Variants in MAP3K5 observed in about 807,000 individuals in gnomAD.
MAP3K5 encodes the protein ASK-1.
Under a neutral mutation model 158.7 loss-of-function variants are expected in MAP3K5, and 56 were observed. The observed-to-expected ratio is 0.35, with a 90% CI of 0.28 to 0.44. MAP3K5 has a LOEUF of 0.44. MAP3K5 is among the 20% of genes least tolerant of loss of function. The pLI, the probability that MAP3K5 is intolerant of heterozygous loss-of-function variation, is 1.00. For missense variants in MAP3K5, 1,294 were observed against 1,674.8 expected (o/e 0.77, Z 3.97); for synonymous variants, 579 against 601.7 (o/e 0.96, Z 0.55).
intron 14 of MAP3K5, among the ~76,000 whole-genome samples, chr6:136,626,636 G>A (rs1278982692): frequency 1.3e-5 from 2 of 152,108 alleles, no homozygotes; most frequent in East Asian, 1.9e-4. Context: ...TGCCTGCCAC[G>A]CTGGAATTCC....
chr6:136,776,707 C>A (rs1325251021), intron 1 of MAP3K5, among the ~76,000 whole-genome samples: 9 of 152,206 alleles, frequency 5.9e-5, no homozygotes. Flanking sequence ...CTTTTGCCTG[C>A]CCTCTGTTGC....
intron 7 of MAP3K5, among the ~76,000 whole-genome samples, chr6:136,679,683 A>AT (rs897768852): frequency 9.2e-5 from 14 of 151,940 alleles, no homozygotes; most frequent in African/African-American, 1.9e-4. Flanking sequence ...CCACGCACAT[A>AT]TTTTTTTTCC....
intron 1 of MAP3K5, among the ~76,000 whole-genome samples, chr6:136,776,833 C>A (rs2115024833): frequency 6.6e-6 from 1 of 152,274 alleles, no homozygotes; most frequent in South Asian, 2.1e-4. Context: ...ATGCTGACAG[C>A]CCTTACTTTT....
At chr6:136,736,010 T>A (rs1282677103) in intron 1 of MAP3K5, among the ~76,000 whole-genome samples, 2 of 151,594 alleles carry the variant, frequency 1.3e-5, no homozygotes, top group Non-Finnish European at 2.9e-5. Flanking sequence ...AAAATCAGTA[T>A]TTTTTTTTCT....
chr6:136,567,870 T>A lies in MAP3K5; in HGVS notation c.3522A>T (p.Leu1174=). ...QTAITILVPE[L]RPHFSLASES... ...CAGATGCAAGGCTGAAATGTGGCCT[T>A]AGTTCTGTTTGGCATAATATCAGTG... is the stretch of plus-strand genomic sequence containing the variant. The change falls in exon 26 of 30, where the codon CTA becomes CTT. Residue 1174 remains leucine, a synonymous_variant. Coordinates refer to ENST00000359015, the MANE Select transcript of MAP3K5 (RefSeq NM_005923.4). 6.2e-7 allele frequency: 1 copy of A among 1,613,824 alleles called. No individual in the cohort carries two copies. Among genetic ancestry groups the A allele is most frequent in the Non-Finnish European group, 8.5e-7 (1 of 1,179,928 alleles).
chr6:136,668,519 T>C (rs924822423), intron 8 of MAP3K5, among the ~76,000 whole-genome samples: 1 of 152,182 alleles, frequency 6.6e-6, no homozygotes, highest in South Asian at 2.1e-4. Flanking sequence ...CTAAAAGAGT[T>C]GGAAAGATTC....
chr6:136,629,463 C>CT (rs34426095), intron 14 of MAP3K5, among the ~76,000 whole-genome samples: 22 of 151,088 alleles, frequency 1.5e-4, no homozygotes, highest in African/African-American at 5.1e-4. Flanking sequence ...CACATCTCAC[C>CT]TTTTTTTTTG....
intron 1 of MAP3K5, among the ~76,000 whole-genome samples, chr6:136,766,306 C>T (rs553357203): frequency 5.9e-5 from 9 of 152,328 alleles, no homozygotes; most frequent in African/African-American, 2.2e-4. Context: ...TAAAGAAATG[C>T]CTACAAGGAT....
chr6:136,643,633 A>G (rs1292089346), intron 11 of MAP3K5, among the ~76,000 whole-genome samples: 1 of 152,230 alleles, frequency 6.6e-6, no homozygotes, highest in African/African-American at 2.4e-5. Flanking sequence ...CATGCAACTT[A>G]AAGTAAAAAT....
In MAP3K5 at chr6:136,722,702, C is replaced by G. The variant is rs905010000; in HGVS notation, c.449-2113G>C. On this transcript the variant is annotated intron_variant, in intron 1 of 29. Transcript: ENST00000359015. ...TTTTTTTTTTTTTTTTTAAGGCAGA[C>G]AGTTCTCAGTTTGTTGCCCATACTA... 6.1e-4 allele frequency among the ~76,000 whole-genome samples: 72 copies of G among 118,090 alleles called. 1 individual carries two copies. The highest frequency in any genetic ancestry group is 1.8e-3 in the African/African-American group (57 of 31,912). 77.5% of individuals were successfully genotyped at this position (118,090 alleles called of 152,430 possible). A position where few individuals can be genotyped will look rare whatever the true frequency, so the allele number is the denominator to read the frequency against.
At position 136,792,021 on chromosome 6, in the gene MAP3K5, AGCTGGTGCTCCTCGCCCTCGCCCACC is replaced by A. The variant is rs1785100305; in HGVS notation, c.111_136del (p.Val38AlafsTer140). On this transcript the variant is annotated frameshift_variant, in exon 1 of 30. Coordinates refer to ENST00000359015, the MANE Select transcript of MAP3K5 (RefSeq NM_005923.4). LOFTEE classifies it high-confidence loss of function. This position sits in a 1 kb window ranked among gnomAD's most constrained non-coding sequence, Gnocchi z 5.7. ...GAAGCTGCCCGGCGGCGGCGGTGGC[AGCTGGTGCTCCTCGCCCTCGCCCACC>A]GCCGCCGCTCCTCCCCTCCTGCAGA... 6.4e-7 allele frequency: 1 copy of A among 1,568,926 alleles called. No homozygotes were observed. Among genetic ancestry groups the A allele is most frequent in the Non-Finnish European group, 8.6e-7 (1 of 1,163,638 alleles).
intron 1 of MAP3K5, among the ~76,000 whole-genome samples, chr6:136,755,993 G>C (rs752965601): frequency 2.6e-5 from 4 of 152,080 alleles, no homozygotes; most frequent in Admixed American, 6.5e-5. Flanking sequence ...CAGATTGATG[G>C]AAAAGTAGAA....
chr6:136,667,530 A>T (rs1302311792), intron 8 of MAP3K5, among the ~76,000 whole-genome samples: 1 of 152,126 alleles, frequency 6.6e-6, no homozygotes. Flanking sequence ...GATTGCAGTG[A>T]GCCGTGATCG....
chr6:136,707,504 TA>T (rs1249839767), intron 2 of MAP3K5, among the ~76,000 whole-genome samples: 2 of 146,268 alleles, frequency 1.4e-5, no homozygotes, highest in East Asian at 4.2e-4. Flanking sequence ...CACAGGGAGC[TA>T]AAGAAGACAG....
chr6:136,704,451 T>G (rs1232241441), intron 3 of MAP3K5, among the ~76,000 whole-genome samples: 1 of 152,224 alleles, frequency 6.6e-6, no homozygotes. Context: ...CACATATACA[T>G]ACACACATAT....
At chr6:136,754,692 A>C (rs1783393162) in intron 1 of MAP3K5, among the ~76,000 whole-genome samples, 1 of 152,228 alleles carries the variant, frequency 6.6e-6, no homozygotes, top group South Asian at 2.1e-4. Context: ...AAGGTTTTGC[A>C]TGGGCACAGT....
intron 1 of MAP3K5, among the ~76,000 whole-genome samples, chr6:136,745,470 G>C (rs1285883029): frequency 6.6e-6 from 1 of 152,118 alleles, no homozygotes; most frequent in African/African-American, 2.4e-5. Context: ...CCTGCCTCTG[G>C]CTGCTGTGGC....
At chr6:136,791,642 GC>G in intron 1 of MAP3K5, 67 bp downstream of exon 1, 1 of 1,531,376 alleles carries the variant, frequency 6.5e-7, no homozygotes, top group Non-Finnish European at 9.0e-7. Context: ...AAAATGAAAT[GC>G]CCCGAAGACC....
rs199912334 is a variant in MAP3K5 at position 136,752,323 on chromosome 6, AAC to A, written c.449-31736_449-31735del. 7.2e-3 allele frequency among the ~76,000 whole-genome samples: 1,096 copies of A among 152,326 alleles called. 16 individuals are homozygous for A. The highest frequency in any genetic ancestry group is 0.024 in the African/African-American group (1,014 of 41,570). On this transcript the variant is annotated intron_variant, in intron 1 of 29. Transcript: ENST00000359015. ...GAAACAGGGATGGTGCCGAGGAAAC[AAC>A]ACAGTCAGAGAGCCCAGCTCTTCCT...
Sources: allele counts gnomAD v4.1 joint callset (sites outside exome capture counted in the v4.1 genomes callset), GRCh38; gene constraint gnomAD v4.1.1; non-coding constraint Gnocchi (gnomAD v3.1); transcripts MANE v1.5; gene names NCBI Gene and HGNC (gene_info 2026-07-23, HGNC 2026-07-21).